The following NAALADL2 variants were observed in gnomAD, a reference collection of about 807,000 sequenced individuals.
NAALADL2 encodes inactive N-acetylated-alpha-linked acidic dipeptidase-like protein 2.
In NAALADL2, 76 loss-of-function variants were observed where a neutral mutation model predicts 87.2. The ratio of observed to expected loss-of-function variants is 0.87; its 90% CI spans 0.72 to 1.05. The LOEUF is 1.05. Ranked by LOEUF, NAALADL2 falls within the 50% of genes least tolerant of loss-of-function variation. The pLI is 0.00. For synonymous variants in NAALADL2, 354 were observed against 331.0 expected (o/e 1.07, Z -0.75); for missense variants, 1,089 against 945.8 (o/e 1.15, Z -1.99).
intron 2 of NAALADL2, among the ~76,000 whole-genome samples, chr3:174,697,938 A>G (rs1729183428): frequency 1.3e-5 from 2 of 151,978 alleles, no homozygotes; most frequent in African/African-American, 4.8e-5. Flanking sequence ...AAAATACAAA[A>G]AAATTAGCTG....
intron 3 of NAALADL2, among the ~76,000 whole-genome samples, chr3:175,250,420 T>G (rs1748851176): frequency 6.6e-6 from 1 of 152,158 alleles, no homozygotes; most frequent in East Asian, 1.9e-4. Context: ...GATAATAAAT[T>G]TGTGTTGTTT....
chr3:175,280,277 A>C (rs543672336), intron 4 of NAALADL2, among the ~76,000 whole-genome samples: 1 of 152,058 alleles, frequency 6.6e-6, no homozygotes, highest in Non-Finnish European at 1.5e-5. Flanking sequence ...CCTTTGATTT[A>C]AATGTTTCCT....
chr3:174,722,305 T>A (rs2108955212), intron 2 of NAALADL2, among the ~76,000 whole-genome samples: 1 of 152,338 alleles, frequency 6.6e-6, no homozygotes, highest in African/African-American at 2.4e-5. Context: ...ATATTGCTAA[T>A]ACCCACTGTA....
At chr3:174,556,938 C>G (rs897071493) in intron 2 of NAALADL2, among the ~76,000 whole-genome samples, 15 of 152,104 alleles carry the variant, frequency 9.9e-5, no homozygotes, top group African/African-American at 3.4e-4. Flanking sequence ...GAGATGCGGT[C>G]TCACCATGAA....
chr3:175,504,973 C>A (rs9290560), intron 9 of NAALADL2, among the ~76,000 whole-genome samples: 135,164 of 152,192 alleles, frequency 0.89, 60,043 homozygotes, highest in East Asian at 0.98. Flanking sequence ...AAATGTTTGA[C>A]GCTAAGGAAA....
intron 1 of NAALADL2, chr3:175,059,412 T>A (rs957252266): frequency 1.3e-5 from 2 of 157,980 alleles, no homozygotes; most frequent in African/African-American, 4.8e-5. Context: ...TCAAAAGCAG[T>A]GACCTGCTCC....
chr3:175,571,699 A>C (rs917631666), intron 9 of NAALADL2, among the ~76,000 whole-genome samples: 2 of 152,178 alleles, frequency 1.3e-5, no homozygotes, highest in African/African-American at 4.8e-5. Flanking sequence ...AATTCATTAC[A>C]TTAAAGTAAT....
chr3:174,662,638 C>T (rs576175946), intron 2 of NAALADL2, among the ~76,000 whole-genome samples: 3 of 152,280 alleles, frequency 2.0e-5, no homozygotes, highest in South Asian at 2.1e-4. Flanking sequence ...AAAACTTTGA[C>T]GTGATGAGAT....
chr3:175,093,198 A>G (rs1720466590), intron 1 of NAALADL2, among the ~76,000 whole-genome samples: 1 of 151,596 alleles, frequency 6.6e-6, no homozygotes, highest in Non-Finnish European at 1.5e-5. Context: ...TTTGCTGAAT[A>G]TTTGTCTTTA....
intron 1 of NAALADL2, among the ~76,000 whole-genome samples, chr3:174,505,401 AC>A (rs1719139182): frequency 6.6e-6 from 1 of 152,184 alleles, no homozygotes; most frequent in Non-Finnish European, 1.5e-5. Flanking sequence ...TGCAGATGAG[AC>A]CATTCTACCT....
At chr3:175,763,083 C>CAAATAAATAAAT (rs34773320) in intron 13 of NAALADL2, among the ~76,000 whole-genome samples, 7,836 of 148,734 alleles carry the variant, frequency 0.053, 232 homozygotes, top group Middle Eastern at 0.085. Flanking sequence ...GACTCTGACT[C>CAAATAAATAAAT]AAATAAATAA....
At chr3:175,695,326 G>T (rs2149934265) in intron 11 of NAALADL2, among the ~76,000 whole-genome samples, 1 of 152,030 alleles carries the variant, frequency 6.6e-6, no homozygotes, top group Admixed American at 6.5e-5. Flanking sequence ...TCATAGTGAA[G>T]TTTAAAAGGA....
intron 13 of NAALADL2, among the ~76,000 whole-genome samples, chr3:175,759,947 G>A (rs1483888814): frequency 6.6e-6 from 1 of 152,172 alleles, no homozygotes; most frequent in Admixed American, 6.5e-5. Flanking sequence ...AGAAATATGT[G>A]TTGTTAGGAG....
At chr3:174,994,490 A>G (rs2108731983) in intron 1 of NAALADL2, among the ~76,000 whole-genome samples, 1 of 152,322 alleles carries the variant, frequency 6.6e-6, no homozygotes, top group Non-Finnish European at 1.5e-5. Context: ...TTTTTGAATA[A>G]TTACCTCATA....
At chr3:174,833,435 G>A (rs60771208) in intron 3 of NAALADL2, among the ~76,000 whole-genome samples, 40,969 of 151,876 alleles carry the variant, frequency 0.27, 6,324 homozygotes, top group African/African-American at 0.41. Flanking sequence ...CAGAAAGGAA[G>A]CTCCAGGCTT....
At chr3:174,831,313 A>G (rs1681923867) in intron 3 of NAALADL2, among the ~76,000 whole-genome samples, 1 of 147,934 alleles carries the variant, frequency 6.8e-6, no homozygotes, top group African/African-American at 2.6e-5. Flanking sequence ...AGTTTTTAGC[A>G]TGAAGCGTTG....
intron 2 of NAALADL2, among the ~76,000 whole-genome samples, chr3:175,137,872 C>T (rs1284558236): frequency 1.3e-5 from 2 of 152,108 alleles, no homozygotes; most frequent in African/African-American, 4.8e-5. Flanking sequence ...GATCCACCTG[C>T]CTCGGCCTCC....
intron 2 of NAALADL2, among the ~76,000 whole-genome samples, chr3:174,616,871 A>T (rs1720511799): frequency 6.6e-6 from 1 of 151,896 alleles, no homozygotes; most frequent in African/African-American, 2.4e-5. Flanking sequence ...ACTTGTATAG[A>T]AAGTTAAAAC....
intron 5 of NAALADL2, among the ~76,000 whole-genome samples, chr3:175,422,110 A>G (rs1715809618): frequency 6.6e-6 from 1 of 152,132 alleles, no homozygotes; most frequent in Non-Finnish European, 1.5e-5. Context: ...ACTCTGAAGT[A>G]TTCGTGTAGA....
Sources: gnomAD v4.1 joint callset for allele counts (sites outside exome capture counted in the v4.1 genomes callset) on GRCh38, gnomAD v4.1.1 for gene constraint, MANE v1.5 for transcripts, NCBI Gene and HGNC (gene_info 2026-07-23, HGNC 2026-07-21) for gene names.